The following ANKS1B variants were observed in gnomAD, a reference collection of about 807,000 sequenced individuals.
The protein encoded by ANKS1B is ankyrin repeat and sterile alpha motif domain-containing protein 1B.
ANKS1B carries 36 observed loss-of-function variants against 148.3 expected under a neutral mutation model. That is an observed-to-expected ratio of 0.24 (90% CI 0.19 to 0.32). The LOEUF (loss-of-function observed/expected upper bound fraction) is 0.32, where lower values mean the gene tolerates loss of function less well. ANKS1B is among the 10% of genes least tolerant of loss of function. ANKS1B has a pLI of 1.00. For missense variants in ANKS1B, 1,157 were observed against 1,542.6 expected, an observed-to-expected ratio of 0.75 and a Z score of 4.19; for synonymous variants, 542 against 560.8, an observed-to-expected ratio of 0.97 and a Z score of 0.47.
chr12:98,735,301 G>T (rs1353820924), exon 10 of ANKS1B: 4 of 400,154 alleles, frequency 1.0e-5, no homozygotes, highest in Non-Finnish European at 1.8e-5. Flanking sequence ...TACATTATAT[G>T]TCTCTTGTAT....
At chr12:98,842,580 T>A (rs1595238911) in intron 17 of ANKS1B, among the ~76,000 whole-genome samples, 2 of 152,232 alleles carry the variant, frequency 1.3e-5, no homozygotes, top group Admixed American at 6.5e-5. Flanking sequence ...GATGTGTAAT[T>A]AAATTGCAAT....
chr12:99,717,905 T>A (rs1336462099), intron 8 of ANKS1B, among the ~76,000 whole-genome samples: 1 of 144,030 alleles, frequency 6.9e-6, no homozygotes, highest in Admixed American at 6.9e-5. Flanking sequence ...TACTCTTTTT[T>A]TTTTTTTTTT....
chr12:99,445,454 T>C (rs1404989776), intron 10 of ANKS1B, among the ~76,000 whole-genome samples: 1 of 151,984 alleles, frequency 6.6e-6, no homozygotes, highest in Non-Finnish European at 1.5e-5. Context: ...TATATATTTG[T>C]CCAACTCATG....
intron 14 of ANKS1B, among the ~76,000 whole-genome samples, chr12:99,182,762 A>C (rs1416020212): frequency 6.6e-6 from 1 of 151,934 alleles, no homozygotes; most frequent in Admixed American, 6.6e-5. Context: ...GGTGGTTCTA[A>C]TTTACGTTCC....
At chr12:99,677,427 T>C (rs2098583607) in intron 8 of ANKS1B, among the ~76,000 whole-genome samples, 1 of 152,172 alleles carries the variant, frequency 6.6e-6, no homozygotes, top group Non-Finnish European at 1.5e-5. Context: ...GAGGACTTTT[T>C]TGGAGGAGAG....
At chr12:99,975,098 A>G (rs2153837727) in intron 1 of ANKS1B, among the ~76,000 whole-genome samples, 1 of 152,232 alleles carries the variant, frequency 6.6e-6, no homozygotes, top group Non-Finnish European at 1.5e-5. Context: ...GGCTGCAGTA[A>G]GCTGTGATTG....
At chr12:99,230,571 T>C (rs1207812300) in intron 14 of ANKS1B, among the ~76,000 whole-genome samples, 1 of 152,168 alleles carries the variant, frequency 6.6e-6, no homozygotes, top group Non-Finnish European at 1.5e-5. Flanking sequence ...ACAATGAATA[T>C]TATCTCTAAT....
chr12:98,856,759 G>C (rs61933621), intron 17 of ANKS1B, among the ~76,000 whole-genome samples: 12,790 of 152,128 alleles, frequency 0.084, 701 homozygotes, highest in Admixed American at 0.13. Flanking sequence ...CTTGACACTA[G>C]CTGGGGACAA....
At chr12:99,853,777 G>T (rs1053897470) in intron 1 of ANKS1B, among the ~76,000 whole-genome samples, 3 of 152,104 alleles carry the variant, frequency 2.0e-5, no homozygotes, top group Non-Finnish European at 4.4e-5. Flanking sequence ...AGGTAATTAA[G>T]GAGGCACCAG....
chr12:99,537,861 A>G (rs1316395066), intron 9 of ANKS1B, among the ~76,000 whole-genome samples: 1 of 151,986 alleles, frequency 6.6e-6, no homozygotes, highest in Non-Finnish European at 1.5e-5. Flanking sequence ...ATTTCCCCAA[A>G]GTTTTCTTAT....
intron 12 of ANKS1B, among the ~76,000 whole-genome samples, chr12:99,395,651 C>A (rs2094219134): frequency 6.6e-6 from 1 of 152,084 alleles, no homozygotes; most frequent in Admixed American, 6.6e-5. Context: ...AAATGTGAAC[C>A]TATTTATATC....
intron 25 of ANKS1B, among the ~76,000 whole-genome samples, chr12:98,763,852 C>T (rs1238337254): frequency 6.6e-6 from 1 of 152,170 alleles, no homozygotes; most frequent in Non-Finnish European, 1.5e-5. Flanking sequence ...AGGGGGTGAG[C>T]GTTCCACTGT....
intron 8 of ANKS1B, among the ~76,000 whole-genome samples, chr12:99,665,423 T>A (rs1207538911): frequency 6.6e-6 from 1 of 152,198 alleles, no homozygotes; most frequent in Non-Finnish European, 1.5e-5. Flanking sequence ...CTCCTGTGCT[T>A]AGAGGCCATT....
chr12:99,913,926 A>C (rs1192274100), intron 1 of ANKS1B, among the ~76,000 whole-genome samples: 1 of 152,140 alleles, frequency 6.6e-6, no homozygotes, highest in Admixed American at 6.5e-5. Context: ...TTACAACTGT[A>C]ACCTTTATAA....
At chr12:99,340,128 T>C (rs959402089) in intron 12 of ANKS1B, among the ~76,000 whole-genome samples, 1 of 152,124 alleles carries the variant, frequency 6.6e-6, no homozygotes, top group Non-Finnish European at 1.5e-5. Context: ...CTGAACCTCA[T>C]TTTACAGATA....
intron 17 of ANKS1B, among the ~76,000 whole-genome samples, chr12:98,936,633 A>G (rs1252280668): frequency 6.6e-6 from 1 of 152,146 alleles, no homozygotes; most frequent in Non-Finnish European, 1.5e-5. Context: ...TAAAAAAAAA[A>G]AGAACAATTA....
At chr12:99,018,313 G>C (rs1388550781) in intron 17 of ANKS1B, among the ~76,000 whole-genome samples, 1 of 152,162 alleles carries the variant, frequency 6.6e-6, no homozygotes, top group Admixed American at 6.5e-5. Flanking sequence ...ACACATAGTA[G>C]GCACCATCTA....
At chr12:99,682,551 G>T (rs546438460) in intron 8 of ANKS1B, among the ~76,000 whole-genome samples, 1 of 152,156 alleles carries the variant, frequency 6.6e-6, no homozygotes, top group South Asian at 2.1e-4. Flanking sequence ...AAAATTCTTC[G>T]AACTGAACAA....
chr12:99,732,511 T>G (rs1200386208), intron 8 of ANKS1B, among the ~76,000 whole-genome samples: 1 of 152,186 alleles, frequency 6.6e-6, no homozygotes, highest in African/African-American at 2.4e-5. Context: ...GACTGTATGA[T>G]TCTATTTGTA....
Sources: gnomAD v4.1 joint callset for allele counts (sites outside exome capture counted in the v4.1 genomes callset) on GRCh38, gnomAD v4.1.1 for gene constraint, MANE v1.5 for transcripts, NCBI Gene and HGNC (gene_info 2026-07-23, HGNC 2026-07-21) for gene names.